Variants in DENND5B observed in about 807,000 individuals in gnomAD.
The protein encoded by DENND5B is DENN domain-containing protein 5B.
In DENND5B, 34 loss-of-function variants were observed where a neutral mutation model predicts 140.6. The ratio of observed to expected loss-of-function variants is 0.24; its 90% CI spans 0.18 to 0.32. DENND5B has a LOEUF of 0.32. Ranked by LOEUF, DENND5B falls within the 10% of genes least tolerant of loss-of-function variation. The pLI, the probability that DENND5B is intolerant of heterozygous loss-of-function variation, is 1.00. For synonymous variants in DENND5B, 551 were observed against 562.1 expected (o/e 0.98, Z 0.28); for missense variants, 1,142 against 1,560.2 (o/e 0.73, Z 4.52).
At chr12:31,424,188 G>C (rs1290177251) in intron 10 of DENND5B, among the ~76,000 whole-genome samples, 1 of 152,122 alleles carries the variant, frequency 6.6e-6, no homozygotes, top group Non-Finnish European at 1.5e-5. Context: ...CAAAAGCAAA[G>C]AGACCATTTG....
chr12:31,509,695 G>A (rs970984199), intron 1 of DENND5B, among the ~76,000 whole-genome samples: 2 of 152,228 alleles, frequency 1.3e-5, no homozygotes, highest in South Asian at 2.1e-4. Context: ...TCTAAGAGGA[G>A]GGAGATAATA....
At chr12:31,497,809 GCA>G (rs1565639293) in intron 1 of DENND5B, among the ~76,000 whole-genome samples, 2 of 7,398 alleles carry the variant, frequency 2.7e-4, no homozygotes, top group Non-Finnish European at 3.0e-4. Context: ...ATGGGGAGGG[GCA>G]GCGGAGGGGG....
intron 3 of DENND5B, among the ~76,000 whole-genome samples, chr12:31,471,195 G>A (rs141784032): frequency 1.2e-4 from 18 of 152,266 alleles, no homozygotes; most frequent in Non-Finnish European, 2.4e-4. Flanking sequence ...TGTGGAAACC[G>A]CCTGGGCATT....
chr12:31,391,728 C>T (rs1941153654), intron 19 of DENND5B, among the ~76,000 whole-genome samples: 1 of 152,184 alleles, frequency 6.6e-6, no homozygotes, highest in Admixed American at 6.5e-5. Flanking sequence ...TCATGGCTGA[C>T]TGCAGCCTTC....
intron 17 of DENND5B, among the ~76,000 whole-genome samples, chr12:31,393,610 C>T (rs1394283499): frequency 6.6e-6 from 1 of 152,204 alleles, no homozygotes; most frequent in Non-Finnish European, 1.5e-5. Flanking sequence ...TTACTTAACA[C>T]ACTATAAAGG....
intron 1 of DENND5B, among the ~76,000 whole-genome samples, chr12:31,560,062 G>A (rs1949421903): frequency 6.6e-6 from 1 of 152,054 alleles, no homozygotes; most frequent in South Asian, 2.1e-4. Flanking sequence ...TCTCTCCCTT[G>A]GTGATCTTAT....
chr12:31,520,957 T>A (rs540081548), intron 1 of DENND5B, among the ~76,000 whole-genome samples: 1 of 152,336 alleles, frequency 6.6e-6, no homozygotes, highest in Admixed American at 6.5e-5. Context: ...AAAATGTTAG[T>A]GAGATATTAA....
At chr12:31,564,585 T>C (rs1228027513) in intron 1 of DENND5B, among the ~76,000 whole-genome samples, 2 of 147,390 alleles carry the variant, frequency 1.4e-5, no homozygotes, top group Admixed American at 6.8e-5. Context: ...ATTATTATTA[T>C]TATTATTATT....
intron 3 of DENND5B, among the ~76,000 whole-genome samples, chr12:31,476,380 T>C (rs1945808612): frequency 6.6e-6 from 1 of 151,360 alleles, no homozygotes; most frequent in African/African-American, 2.4e-5. Flanking sequence ...AACTAGTAAT[T>C]ATTATAATAG....
chr12:31,488,482 C>G (rs892301274), intron 2 of DENND5B, among the ~76,000 whole-genome samples: 16 of 152,150 alleles, frequency 1.1e-4, no homozygotes, highest in Non-Finnish European at 2.1e-4. Flanking sequence ...ACAGAAAAAG[C>G]TTGCCAAAAG....
At chr12:31,546,641 A>T (rs1948871841) in intron 1 of DENND5B, among the ~76,000 whole-genome samples, 1 of 152,262 alleles carries the variant, frequency 6.6e-6, no homozygotes, top group South Asian at 2.1e-4. Context: ...AGCCGAGATC[A>T]CGCCACTGCA....
At chr12:31,574,133 T>C (rs1004817248) in intron 1 of DENND5B, among the ~76,000 whole-genome samples, 2 of 150,968 alleles carry the variant, frequency 1.3e-5, no homozygotes, top group East Asian at 1.9e-4. Context: ...TGTGGTGGCA[T>C]GTGCCTGTGG....
intron 3 of DENND5B, chr12:31,464,928 G>T (rs1355290668): frequency 6.6e-6 from 1 of 152,182 alleles, no homozygotes; most frequent in East Asian, 1.9e-4. Context: ...ATGATGAGTA[G>T]CCAGTAAACG....
chr12:31,504,388 A>T (rs1947116353), intron 1 of DENND5B, among the ~76,000 whole-genome samples: 1 of 152,160 alleles, frequency 6.6e-6, no homozygotes, highest in Non-Finnish European at 1.5e-5. Context: ...TCTCTTCACC[A>T]AAGGAATATG....
At chr12:31,423,355 C>T (rs559629472) in intron 11 of DENND5B, among the ~76,000 whole-genome samples, 4 of 152,110 alleles carry the variant, frequency 2.6e-5, no homozygotes, top group East Asian at 1.9e-4. Flanking sequence ...TCAGCATGAC[C>T]GTTCTAGCCT....
chr12:31,421,327 G>C (rs563043425), intron 11 of DENND5B, among the ~76,000 whole-genome samples: 25 of 151,926 alleles, frequency 1.6e-4, no homozygotes, highest in Non-Finnish European at 3.2e-4. Context: ...TTACAGGCAT[G>C]AGCCACCGTG....
chr12:31,390,848 C>T (rs1025526185), intron 19 of DENND5B, among the ~76,000 whole-genome samples: 1 of 151,934 alleles, frequency 6.6e-6, no homozygotes, highest in Non-Finnish European at 1.5e-5. Flanking sequence ...CATGGCAAAA[C>T]CCCATCTCTA....
intron 1 of DENND5B, among the ~76,000 whole-genome samples, chr12:31,537,011 CT>C (rs1490023012): frequency 6.6e-6 from 1 of 152,160 alleles, no homozygotes; most frequent in East Asian, 1.9e-4. Flanking sequence ...GAAATAAAGA[CT>C]TTCCCAGACA....
intron 20 of DENND5B, 26 bp from the exon 21 acceptor site, chr12:31,387,812 C>A: frequency 6.2e-7 from 1 of 1,601,642 alleles, no homozygotes; most frequent in Non-Finnish European, 8.5e-7. Flanking sequence ...GAAACAATTC[C>A]TGAGCATTGC....
Sources: gnomAD v4.1 joint callset for allele counts (sites outside exome capture counted in the v4.1 genomes callset) on GRCh38, gnomAD v4.1.1 for gene constraint, MANE v1.5 for transcripts, NCBI Gene and HGNC (gene_info 2026-07-23, HGNC 2026-07-21) for gene names.